Variants in EXOC6B observed in about 807,000 individuals in gnomAD.
EXOC6B encodes exocyst complex component 6B.
In EXOC6B, 54 loss-of-function variants were observed where a neutral mutation model predicts 113.5. The ratio of observed to expected loss-of-function variants is 0.48; its 90% CI spans 0.38 to 0.60. The LOEUF is 0.60. Ranked by LOEUF, EXOC6B falls within the 20% of genes least tolerant of loss-of-function variation. The probability of loss-of-function intolerance (pLI) is 0.00; values close to 1 mark genes in which losing one functional copy is unlikely to be tolerated. For missense variants in EXOC6B, 797 were observed against 977.5 expected, an observed-to-expected ratio of 0.82 and a Z score of 2.46; for synonymous variants, 357 against 339.0, an observed-to-expected ratio of 1.05 and a Z score of -0.58.
chr2:72,478,771 G>A (rs145638260), intron 17 of EXOC6B, among the ~76,000 whole-genome samples: 13 of 152,334 alleles, frequency 8.5e-5, no homozygotes, highest in East Asian at 1.9e-4. Flanking sequence ...TTGAGAGAAA[G>A]AGTATCAGTG....
chr2:72,465,485 A>AT (rs1360952067), intron 17 of EXOC6B, 146 bp from the exon 18 acceptor site: 9 of 649,790 alleles, frequency 1.4e-5, no homozygotes, highest in Middle Eastern at 4.1e-4. Context: ...GTCTTCTTTA[A>AT]TTTTTTCTTT....
rs547907157 is a variant in EXOC6B at position 72,239,249 on chromosome 2, C to T, written c.2197-55062G>A. Among the ~76,000 whole-genome samples the T allele has an allele frequency of 5.9e-5, 9 of 152,206 alleles. No individual in the cohort carries two copies. The South Asian group carries it at 6.2e-4, about 11-fold the overall frequency. On this transcript the variant is annotated intron_variant, in intron 20 of 21. Coordinates refer to ENST00000272427, the MANE Select transcript of EXOC6B (RefSeq NM_015189.3). ...TTCTTTTTTCGAGTGTGTGTTTATACGGTGTTGCCTAACTCAAGGTCAGAA... is the reference window on the plus strand; with the variant it reads ...TTCTTTTTTCGAGTGTGTGTTTATATGGTGTTGCCTAACTCAAGGTCAGAA...
intron 6 of EXOC6B, among the ~76,000 whole-genome samples, chr2:72,636,686 T>C (rs1429497518): frequency 2.6e-5 from 4 of 152,148 alleles, no homozygotes; most frequent in Non-Finnish European, 5.9e-5. Context: ...TGAATTTCCT[T>C]AACTTGATAA....
chr2:72,785,477 C>A (rs1441887231), intron 1 of EXOC6B, among the ~76,000 whole-genome samples: 4 of 152,254 alleles, frequency 2.6e-5, no homozygotes, highest in African/African-American at 9.6e-5. Flanking sequence ...GCCTGGGCAT[C>A]CAGGCGTTTC....
At chr2:72,248,094 C>T (rs1398598963) in intron 20 of EXOC6B, among the ~76,000 whole-genome samples, 1 of 152,176 alleles carries the variant, frequency 6.6e-6, no homozygotes, top group Non-Finnish European at 1.5e-5. Flanking sequence ...GAAACAATTT[C>T]CACATTACCT....
chr2:72,190,704 C>T (rs11903513), intron 20 of EXOC6B, among the ~76,000 whole-genome samples: 7,212 of 152,254 alleles, frequency 0.047, 556 homozygotes, highest in African/African-American at 0.16. Context: ...TAGCACATCA[C>T]AGCTACTCTT....
intron 6 of EXOC6B, among the ~76,000 whole-genome samples, chr2:72,709,054 T>C (rs1446540666): frequency 6.6e-6 from 1 of 150,720 alleles, no homozygotes; most frequent in African/African-American, 2.4e-5. Context: ...ATAATTAAAA[T>C]TTAAAAAAAA....
intron 18 of EXOC6B, among the ~76,000 whole-genome samples, chr2:72,401,099 T>C (rs1286139896): frequency 2.6e-5 from 4 of 151,832 alleles, no homozygotes; most frequent in African/African-American, 7.3e-5. Context: ...TAGATAAATA[T>C]AGATACAACA....
At chr2:72,181,992 G>C (rs745486399) in intron 21 of EXOC6B, among the ~76,000 whole-genome samples, 16 of 152,016 alleles carry the variant, frequency 1.1e-4, no homozygotes, top group Non-Finnish European at 2.1e-4. Flanking sequence ...TTTCTGTTTC[G>C]CCCTGCTAAG....
intron 1 of EXOC6B, among the ~76,000 whole-genome samples, chr2:72,782,259 A>C (rs1684095276): frequency 1.3e-5 from 2 of 152,110 alleles, no homozygotes; most frequent in Middle Eastern, 3.2e-3. Context: ...AGAATGCCTA[A>C]ATCTCCTTTA....
chr2:72,797,831 T>G (rs550319856), intron 1 of EXOC6B, among the ~76,000 whole-genome samples: 1 of 150,112 alleles, frequency 6.7e-6, no homozygotes, highest in Non-Finnish European at 1.5e-5. Flanking sequence ...AATTAATTAA[T>G]TAATTAATAA....
At chr2:72,378,567 G>C (rs1691495045) in intron 19 of EXOC6B, among the ~76,000 whole-genome samples, 1 of 152,130 alleles carries the variant, frequency 6.6e-6, no homozygotes, top group Non-Finnish European at 1.5e-5. Flanking sequence ...TGGCAAAAGG[G>C]TAACTTTGAT....
intron 11 of EXOC6B, among the ~76,000 whole-genome samples, chr2:72,502,695 C>G (rs145448258): frequency 6.6e-6 from 1 of 152,172 alleles, no homozygotes; most frequent in African/African-American, 2.4e-5. Context: ...CTGTTTGACA[C>G]TCAATGTATC....
intron 1 of EXOC6B, among the ~76,000 whole-genome samples, chr2:72,747,129 T>C (rs1159396257): frequency 6.6e-6 from 1 of 152,102 alleles, no homozygotes; most frequent in East Asian, 1.9e-4. Flanking sequence ...CCTACACAAC[T>C]ATTCTCTTCT....
intron 20 of EXOC6B, among the ~76,000 whole-genome samples, chr2:72,283,877 C>T (rs1485502325): frequency 2.6e-5 from 4 of 151,998 alleles, no homozygotes; most frequent in Non-Finnish European, 5.9e-5. Context: ...AATTTGATAA[C>T]CTAGATTAAA....
chr2:72,610,454 T>C (rs911847550), intron 6 of EXOC6B, among the ~76,000 whole-genome samples: 4 of 152,050 alleles, frequency 2.6e-5, no homozygotes, highest in African/African-American at 9.7e-5. Context: ...GAAAAGAAAA[T>C]GGATGATTCT....
chr2:72,415,295 G>C (rs1268353500), intron 18 of EXOC6B, among the ~76,000 whole-genome samples: 1 of 150,832 alleles, frequency 6.6e-6, no homozygotes, highest in Non-Finnish European at 1.5e-5. Context: ...CTTACAAATT[G>C]AATTCCTGAC....
intron 6 of EXOC6B, among the ~76,000 whole-genome samples, chr2:72,691,324 G>C (rs1194584490): frequency 6.6e-6 from 1 of 152,012 alleles, no homozygotes; most frequent in Non-Finnish European, 1.5e-5. Flanking sequence ...CTAGACTCCA[G>C]ACCTGTGAGA....
chr2:72,505,588 T>C (rs192412129), intron 11 of EXOC6B, among the ~76,000 whole-genome samples: 16 of 152,286 alleles, frequency 1.1e-4, no homozygotes, highest in East Asian at 5.8e-4. Flanking sequence ...AATAAAACTA[T>C]TGAAATTTTG....
Sources: allele counts gnomAD v4.1 joint callset (sites outside exome capture counted in the v4.1 genomes callset), GRCh38; gene constraint gnomAD v4.1.1; transcripts MANE v1.5; gene names NCBI Gene and HGNC (gene_info 2026-07-23, HGNC 2026-07-21).